CHRM3: variants seen among roughly 807,000 people sequenced by gnomAD.
CHRM3 encodes the protein muscarinic acetylcholine receptor M3.
Under a neutral mutation model 41.8 loss-of-function variants are expected in CHRM3, and 11 were observed. The observed-to-expected ratio is 0.26, with a 90% CI of 0.17 to 0.44. The LOEUF (loss-of-function observed/expected upper bound fraction) is 0.44, where lower values mean the gene tolerates loss of function less well. CHRM3 is among the 20% of genes least tolerant of loss of function. The probability of loss-of-function intolerance (pLI) is 1.00; values close to 1 mark genes in which losing one functional copy is unlikely to be tolerated. For synonymous variants in CHRM3, 297 were observed against 301.4 expected (o/e 0.99, Z 0.15); for missense variants, 571 against 745.4 (o/e 0.77, Z 2.72).
intron 1 of CHRM3, among the ~76,000 whole-genome samples, chr1:239,443,653 A>C (rs950980811): frequency 1.3e-5 from 2 of 152,224 alleles, no homozygotes; most frequent in Non-Finnish European, 2.9e-5. Flanking sequence ...ATCTGAAGAA[A>C]CGCTTAGGAA....
At chr1:239,427,911 C>T (rs1316099991) in intron 1 of CHRM3, among the ~76,000 whole-genome samples, 2 of 152,180 alleles carry the variant, frequency 1.3e-5, no homozygotes, top group African/African-American at 4.8e-5. Context: ...GAATTCCCAG[C>T]AAAGTAGCCA....
intron 3 of CHRM3, among the ~76,000 whole-genome samples, chr1:239,564,850 A>C (rs1432775534): frequency 6.6e-6 from 1 of 152,206 alleles, no homozygotes. Flanking sequence ...CTTATTTCCT[A>C]TTGCAACTCT....
At chr1:239,774,938 G>A (rs1667973611) in intron 5 of CHRM3, among the ~76,000 whole-genome samples, 1 of 152,034 alleles carries the variant, frequency 6.6e-6, no homozygotes, top group Non-Finnish European at 1.5e-5. Context: ...CAATAGTTTT[G>A]GAAATCTCCT....
intron 5 of CHRM3, among the ~76,000 whole-genome samples, chr1:239,692,113 G>A (rs1659776905): frequency 6.6e-6 from 1 of 152,298 alleles, no homozygotes; most frequent in South Asian, 2.1e-4. Flanking sequence ...GAGCAAAACA[G>A]TAATATCTTC....
chr1:239,871,819 C>T (rs922757308), intron 6 of CHRM3, among the ~76,000 whole-genome samples: 1 of 152,084 alleles, frequency 6.6e-6, no homozygotes, highest in Non-Finnish European at 1.5e-5. Flanking sequence ...CTCCTTTCCT[C>T]GTAAGGAAAA....
chr1:239,631,636 T>C (rs1044163173), intron 3 of CHRM3, among the ~76,000 whole-genome samples: 2 of 152,236 alleles, frequency 1.3e-5, no homozygotes, highest in African/African-American at 4.8e-5. Context: ...TTTCCTAAGA[T>C]TCTGGCCTAG....
At chr1:239,592,386 G>A (rs1664276320) in intron 3 of CHRM3, among the ~76,000 whole-genome samples, 2 of 151,786 alleles carry the variant, frequency 1.3e-5, no homozygotes, top group South Asian at 4.2e-4. Flanking sequence ...ATTAATTTTG[G>A]TACATCTCCA....
intron 2 of CHRM3, among the ~76,000 whole-genome samples, chr1:239,529,609 C>CAAAAAAAAAAAAA (rs74990447): frequency 3.6e-5 from 4 of 110,834 alleles, no homozygotes; most frequent in Non-Finnish European, 5.3e-5. Context: ...GACTCCGTCT[C>CAAAAAAAAAAAAA]AAAAAAAAAA....
intron 3 of CHRM3, among the ~76,000 whole-genome samples, chr1:239,575,559 G>A (rs1662253154): frequency 6.6e-6 from 1 of 151,942 alleles, no homozygotes; most frequent in Non-Finnish European, 1.5e-5. Context: ...CAGTTTTTTT[G>A]GGTTCTGTGC....
intron 2 of CHRM3, among the ~76,000 whole-genome samples, chr1:239,509,001 C>A (rs1378266537): frequency 6.6e-6 from 1 of 152,106 alleles, no homozygotes; most frequent in East Asian, 1.9e-4. Context: ...GGATACACAG[C>A]AAAAAGACTA....
intron 6 of CHRM3, among the ~76,000 whole-genome samples, chr1:239,858,521 G>GAAAAA (rs35735156): frequency 1.4e-5 from 2 of 143,712 alleles, no homozygotes; most frequent in African/African-American, 5.2e-5. Flanking sequence ...TTTTCATTTG[G>GAAAAA]AAAAAAAAAA....
chr1:239,888,051 T>C (rs1678220664), intron 6 of CHRM3, among the ~76,000 whole-genome samples: 1 of 152,162 alleles, frequency 6.6e-6, no homozygotes, highest in African/African-American at 2.4e-5. Flanking sequence ...GTTATTGTGG[T>C]GTTTATCTCT....
At chr1:239,753,577 C>T (rs1240303256) in intron 5 of CHRM3, among the ~76,000 whole-genome samples, 2 of 152,148 alleles carry the variant, frequency 1.3e-5, no homozygotes, top group African/African-American at 4.8e-5. Context: ...GAAATCCACC[C>T]CCATGATTCA....
In CHRM3 at chr1:239,639,321, A is replaced by G. The variant is rs377008058; in HGVS notation, c.-250+7035A>G. On this transcript the variant is annotated intron_variant, in intron 4 of 6. Transcript: ENST00000676153. ...TGAAGAAAGTCATTGGTAGCTTGAT[A>G]GGGATGGCATTGAATCTATAAATTA... 3.9e-5 allele frequency among the ~76,000 whole-genome samples: 6 copies of G among 152,270 alleles called. No individual in the cohort carries two copies. In the South Asian group the frequency reaches 6.2e-4, roughly 16 times the overall value.
chr1:239,648,566 G>A (rs895759011), intron 4 of CHRM3, among the ~76,000 whole-genome samples: 5 of 152,150 alleles, frequency 3.3e-5, no homozygotes, highest in African/African-American at 1.2e-4. Context: ...TGTGTGTCTG[G>A]GTAGTGGATG....
chr1:239,895,656 T>C (rs1678936586), intron 6 of CHRM3, among the ~76,000 whole-genome samples: 1 of 152,232 alleles, frequency 6.6e-6, no homozygotes, highest in African/African-American at 2.4e-5. Context: ...AATGAGATCA[T>C]GTCCTTTGCA....
Position 239,442,982 on chromosome 1 carries a change from A to T in CHRM3, c.-520-49727A>T, listed in dbSNP as rs183342528. ...TTAATAAATGGACTGACAAATAAGG[A>T]TAAAATACCAATTTTAATTTAATAG... On this transcript the variant is annotated intron_variant, in intron 1 of 6. Transcript: ENST00000676153. Among the ~76,000 whole-genome samples the T allele has an allele frequency of 2.7e-3, 415 of 152,316 alleles. 4 individuals are homozygous for T. Among genetic ancestry groups the T allele is most frequent in the Non-Finnish European group, 5.2e-3 (352 of 68,034 alleles).
intron 1 of CHRM3, among the ~76,000 whole-genome samples, chr1:239,427,569 C>G (rs1662491197): frequency 6.6e-6 from 1 of 152,024 alleles, no homozygotes; most frequent in African/African-American, 2.4e-5. Flanking sequence ...CCAAATCCAT[C>G]ATGAAGCCAA....
chr1:239,749,767 C>T (rs1320881478), intron 5 of CHRM3, among the ~76,000 whole-genome samples: 1 of 152,142 alleles, frequency 6.6e-6, no homozygotes, highest in Admixed American at 6.5e-5. Context: ...TAATCACTAA[C>T]CAGAATTTTC....
Sources: allele counts gnomAD v4.1 joint callset (sites outside exome capture counted in the v4.1 genomes callset), GRCh38; gene constraint gnomAD v4.1.1; transcripts MANE v1.5; gene names NCBI Gene and HGNC (gene_info 2026-07-23, HGNC 2026-07-21).